ADAMTS18: variants seen among roughly 807,000 people sequenced by gnomAD.
ADAMTS18 encodes ADAM metallopeptidase with thrombospondin type 1 motif 18.
In ADAMTS18, 157 loss-of-function variants were observed where a neutral mutation model predicts 165.9. The observed-to-expected ratio is 0.95, with a 90% CI of 0.83 to 1.08. ADAMTS18 has a LOEUF of 1.08. Among genes scored for constraint, ADAMTS18 ranks in the 50% least tolerant of loss-of-function variants. The pLI is 0.00. For synonymous variants in ADAMTS18, 782 were observed against 578.2 expected (o/e 1.35, Z -5.06); for missense variants, 2,040 against 1,534.0 (o/e 1.33, Z -5.51).
intron 3 of ADAMTS18, among the ~76,000 whole-genome samples, chr16:77,373,609 GGT>G (rs1030606106): frequency 7.2e-4 from 110 of 152,082 alleles, no homozygotes; most frequent in African/African-American, 2.5e-3. Flanking sequence ...AATTGGGTGC[GGT>G]GTATACTGCT....
intron 3 of ADAMTS18, among the ~76,000 whole-genome samples, chr16:77,369,726 T>A (rs2056849518): frequency 6.6e-6 from 1 of 152,124 alleles, no homozygotes; most frequent in Admixed American, 6.5e-5. Context: ...GAGGGGGTAG[T>A]TTTCCAAACT....
At chr16:77,306,005 C>A (rs1481186127) in intron 16 of ADAMTS18, among the ~76,000 whole-genome samples, 1 of 152,180 alleles carries the variant, frequency 6.6e-6, no homozygotes, top group African/African-American at 2.4e-5. Flanking sequence ...TACAGGAGCA[C>A]CGCATCCCTC....
chr16:77,410,375 A>G (rs1453530601), intron 3 of ADAMTS18, among the ~76,000 whole-genome samples: 1 of 152,022 alleles, frequency 6.6e-6, no homozygotes, highest in African/African-American at 2.4e-5. Flanking sequence ...AATTTCACTG[A>G]TTCTCAAAAT....
rs528957495 is a variant in ADAMTS18 at position 77,283,173 on chromosome 16, C to T, written c.*783G>A. The T allele has an allele frequency of 6.6e-6, 1 of 152,582 alleles. No homozygotes were observed. The highest frequency in any genetic ancestry group is 2.1e-4 in the South Asian group (1 of 4,820). The allele number at this position is 152,582 out of a possible 1,614,324, so 9.5% of individuals were successfully genotyped here. On this transcript the variant is annotated 3_prime_UTR_variant, in exon 23 of 23. Transcript: ENST00000282849. ...GCTTTTCATGGACTGATTCAGCAAG[C>T]ACCAAAAGTTACGAGGTTGATAACA... is the stretch of plus-strand genomic sequence containing the variant.
chr16:77,344,607 C>A (rs542157297), intron 10 of ADAMTS18, among the ~76,000 whole-genome samples: 5 of 152,256 alleles, frequency 3.3e-5, no homozygotes, highest in African/African-American at 1.2e-4. Flanking sequence ...ATAACCCACA[C>A]CCAGTGCCTA....
At chr16:77,353,640 T>C (rs1300815257) in intron 10 of ADAMTS18, 93 bp downstream of exon 10, 1 of 1,569,000 alleles carries the variant, frequency 6.4e-7, no homozygotes, top group Non-Finnish European at 8.8e-7. Flanking sequence ...AACCTAACCC[T>C]TGGCCTTGGC....
intron 22 of ADAMTS18, among the ~76,000 whole-genome samples, chr16:77,288,018 C>T (rs2055288870): frequency 6.6e-6 from 1 of 152,170 alleles, no homozygotes; most frequent in African/African-American, 2.4e-5. Context: ...GAGGACCTCA[C>T]AGCACTTTTC....
At chr16:77,400,705 G>C (rs2057320065) in intron 3 of ADAMTS18, among the ~76,000 whole-genome samples, 1 of 151,384 alleles carries the variant, frequency 6.6e-6, no homozygotes, top group Admixed American at 6.6e-5. Context: ...TCCTGACCTC[G>C]TGATCCGCCT....
rs2057776771 is a variant in ADAMTS18, at chr16:77,434,725, G to C, written c.-30C>G. 2.8e-6 allele frequency: 4 copies of C among 1,411,706 alleles called. No homozygotes were observed. The highest frequency in any genetic ancestry group is 3.7e-6 in the Non-Finnish European group (4 of 1,083,244). 87.4% of individuals were successfully genotyped at this position (1,411,706 alleles called of 1,614,324 possible). ...AGGTGCGGACGCGGCGGCTGCGGGT[G>C]GCCAGACGCGGCAGGCGGAGCGCAC... On this transcript the variant is annotated 5_prime_UTR_variant, in exon 1 of 23. Coordinates refer to ENST00000282849, the MANE Select transcript of ADAMTS18 (RefSeq NM_199355.4).
At chr16:77,397,224 C>T (rs2057269999) in intron 3 of ADAMTS18, among the ~76,000 whole-genome samples, 1 of 152,138 alleles carries the variant, frequency 6.6e-6, no homozygotes, top group Non-Finnish European at 1.5e-5. Context: ...GAAGAAAAAT[C>T]AACTGTGTAG....
intron 11 of ADAMTS18, among the ~76,000 whole-genome samples, chr16:77,339,424 G>T (rs1383243658): frequency 6.6e-6 from 1 of 151,948 alleles, no homozygotes; most frequent in Non-Finnish European, 1.5e-5. Context: ...TTTATCTCGT[G>T]TTCTGTTTAC....
intron 16 of ADAMTS18, among the ~76,000 whole-genome samples, chr16:77,303,866 A>G (rs1333524268): frequency 6.6e-6 from 1 of 152,138 alleles, no homozygotes; most frequent in Non-Finnish European, 1.5e-5. Context: ...CATCTCTACT[A>G]AAAATATTAA....
intron 16 of ADAMTS18, among the ~76,000 whole-genome samples, chr16:77,309,785 C>T (rs2055746623): frequency 6.6e-6 from 1 of 152,132 alleles, no homozygotes; most frequent in South Asian, 2.1e-4. Context: ...GAATGATTGG[C>T]AAACTCAACA....
chr16:77,342,395 G>C (rs528585156), intron 10 of ADAMTS18, among the ~76,000 whole-genome samples: 1 of 152,226 alleles, frequency 6.6e-6, no homozygotes, highest in East Asian at 1.9e-4. Flanking sequence ...TTCTACAGTT[G>C]CTTTTTCAAG....
chr16:77,290,762 G>A (rs145664656), intron 21 of ADAMTS18: 229 of 169,784 alleles, frequency 1.3e-3, no homozygotes, highest in African/African-American at 4.9e-3. Flanking sequence ...TAAAAGCGAA[G>A]TATCCTTGGC....
intron 3 of ADAMTS18, among the ~76,000 whole-genome samples, chr16:77,397,811 T>C (rs2057277736): frequency 6.6e-6 from 1 of 152,202 alleles, no homozygotes. Context: ...CAGGCAACAC[T>C]TGGACCTTGA....
chr16:77,325,797 C>A (rs1246342898), intron 13 of ADAMTS18, 69 bp downstream of exon 13: 1 of 1,483,660 alleles, frequency 6.7e-7, no homozygotes, highest in Admixed American at 1.8e-5. Context: ...GCAGCAATTT[C>A]TTCTGTATTG....
intron 3 of ADAMTS18, among the ~76,000 whole-genome samples, chr16:77,404,038 T>A (rs1476415495): frequency 1.1e-5 from 1 of 93,378 alleles, no homozygotes; most frequent in East Asian, 3.7e-4. Flanking sequence ...CCGTCCTCCC[T>A]TCCTCCCTTC....
Position 77,348,316 on chromosome 16 carries a change from G to A in ADAMTS18, c.1614+5417C>T, listed in dbSNP as rs183134055. 3.3e-3 allele frequency among the ~76,000 whole-genome samples: 498 copies of A among 152,198 alleles called. 11 individuals carry two copies. Among genetic ancestry groups the A allele is most frequent in the Non-Finnish European group, 4.4e-4 (30 of 68,014 alleles). On this transcript the variant is annotated intron_variant, in intron 10 of 22. Coordinates refer to ENST00000282849, the MANE Select transcript of ADAMTS18 (RefSeq NM_199355.4). Reference sequence around the variant, plus strand: ...TAATCATGAATTGGGGAATGTGGCTGAGATCTGTGGCCAAATAGGTCTTCC... The same window carrying A: ...TAATCATGAATTGGGGAATGTGGCTAAGATCTGTGGCCAAATAGGTCTTCC...
Sources: gnomAD v4.1 joint callset for allele counts (sites outside exome capture counted in the v4.1 genomes callset) on GRCh38, gnomAD v4.1.1 for gene constraint, MANE v1.5 for transcripts, NCBI Gene and HGNC (gene_info 2026-07-23, HGNC 2026-07-21) for gene names.